Variants in FLYWCH1 observed in about 807,000 individuals in gnomAD.
FLYWCH1 encodes FLYWCH-type zinc finger 1, also known as FLYWCH-type zinc finger-containing protein 1.
Under a neutral mutation model 66.4 loss-of-function variants are expected in FLYWCH1, and 75 were observed. That is an observed-to-expected ratio of 1.13 (90% CI 0.94 to 1.37). The LOEUF (loss-of-function observed/expected upper bound fraction) is 1.37, where lower values mean the gene tolerates loss of function less well. FLYWCH1 is among the 40% of genes most tolerant of loss of function. FLYWCH1 has a pLI of 0.00. For synonymous variants in FLYWCH1, 595 were observed against 429.9 expected (o/e 1.38, Z -4.75); for missense variants, 1,334 against 1,001.8 (o/e 1.33, Z -4.48).
intron 1 of FLYWCH1, among the ~76,000 whole-genome samples, chr16:2,913,868 T>A (rs954291800): frequency 1.3e-4 from 4 of 30,072 alleles, no homozygotes; most frequent in South Asian, 8.3e-4. Flanking sequence ...TAAAAAAAAA[T>A]TTTTTTAGTA....
In FLYWCH1 at chr16:2,938,305, C is replaced by A; in HGVS notation, c.1899C>A (p.Asp633Glu). The change falls in exon 8 of 10, where the codon GAC becomes GAA. Residue 633 changes from aspartate to glutamate, a missense_variant. Coordinates refer to ENST00000253928, the MANE Select transcript of FLYWCH1 (RefSeq NM_001308068.2). The part of the protein sequence containing the change: ...AGEKVYWMCR[D>E]QARLGCRSRA... The stretch of plus-strand genomic sequence containing the variant: ...AGAAGGTGTACTGGATGTGCCGGGA[C>A]CAGGCTCGGCTGGGCTGCCGCAGCC... 6.2e-7 allele frequency: 1 copy of A among 1,610,568 alleles called. No individual in the cohort carries two copies. Among genetic ancestry groups the A allele is most frequent in the Non-Finnish European group, 8.5e-7 (1 of 1,178,506 alleles).
chr16:2,922,414 C>G (rs926055938), intron 2 of FLYWCH1: 2 of 189,596 alleles, frequency 1.1e-5, no homozygotes, highest in Non-Finnish European at 2.2e-5. Flanking sequence ...CACCACCGTC[C>G]ATCTCCAGAA....
intron 4 of FLYWCH1, among the ~76,000 whole-genome samples, chr16:2,931,388 C>G (rs1021793005): frequency 6.6e-6 from 1 of 150,550 alleles, no homozygotes; most frequent in African/African-American, 2.4e-5. Context: ...CTTTGGGAGG[C>G]TGGGGCAGGA....
At chr16:2,930,955 A>G (rs1320456191) in intron 4 of FLYWCH1, 75 bp downstream of exon 4, 15 of 1,136,814 alleles carry the variant, frequency 1.3e-5, no homozygotes, top group Non-Finnish European at 1.8e-5. Flanking sequence ...CCCAAATAGA[A>G]ATGTGGGGTC....
At chr16:2,931,451 C>G (rs1394185779) in intron 4 of FLYWCH1, among the ~76,000 whole-genome samples, 3 of 151,686 alleles carry the variant, frequency 2.0e-5, no homozygotes, top group South Asian at 2.1e-4. Flanking sequence ...TAGTGAGACC[C>G]CATATCTACA....
rs577995395 is a variant in FLYWCH1 at position 2,932,041 on chromosome 16, C to G, written c.797-1089C>G. Among the ~76,000 whole-genome samples the G allele has an allele frequency of 3.4e-5, 5 of 148,318 alleles. No individual in the cohort carries two copies. The South Asian group carries it at 6.4e-4, about 19-fold the overall frequency. On this transcript the variant is annotated intron_variant, in intron 4 of 9. Coordinates refer to ENST00000253928, the MANE Select transcript of FLYWCH1 (RefSeq NM_001308068.2). ...GCTGAGGCAGGAGAATGGCGTGAAC[C>G]CGGGAGGCGGAGCTTGCCGTGGGCC...
Position 2,948,579 on chromosome 16 carries a change from G to T in FLYWCH1, c.2112-109G>T. ...TTCCGTCTCAAAAATAAATGTTCTA[G>T]ACTGTGGCATCCCCAGGAAAAAGGA... is the stretch of plus-strand genomic sequence containing the variant. On this transcript the variant is annotated intron_variant, in intron 9 of 9. Coordinates refer to ENST00000253928, the MANE Select transcript of FLYWCH1 (RefSeq NM_001308068.2). The T allele has an allele frequency of 3.5e-6, 4 of 1,146,246 alleles. No homozygotes were observed. The South Asian group carries it at 5.2e-5, about 15-fold the overall frequency. The allele number at this position is 1,146,246 out of a possible 1,614,324, so 71.0% of individuals were successfully genotyped here. A position where few individuals can be genotyped will look rare whatever the true frequency, so the allele number is the denominator to read the frequency against.
intron 6 of FLYWCH1, 107 bp from the exon 7 acceptor site, chr16:2,937,014 C>T (rs1007917852): frequency 1.5e-5 from 18 of 1,205,588 alleles, no homozygotes; most frequent in African/African-American, 2.2e-5. Flanking sequence ...GGCCACCTCA[C>T]TGTGAGGAGG....
chr16:2,939,970 G>A lies in FLYWCH1; in HGVS notation c.2051-62G>A. The A allele has an allele frequency of 3.9e-6, 6 of 1,541,652 alleles. No individual in the cohort carries two copies. In the South Asian group the frequency reaches 6.0e-5, roughly 15 times the overall value. On this transcript the variant is annotated intron_variant, in intron 8 of 9. Coordinates refer to ENST00000253928, the MANE Select transcript of FLYWCH1 (RefSeq NM_001308068.2). ...CGTCGTTAACAAGGTGTGTGTCCTT[G>A]GTTCTGTCAGCTTCAACAAGAGAAG... is the stretch of plus-strand genomic sequence containing the variant.
At chr16:2,919,420 C>T (rs2070289758) in intron 2 of FLYWCH1, among the ~76,000 whole-genome samples, 1 of 152,026 alleles carries the variant, frequency 6.6e-6, no homozygotes, top group Admixed American at 6.6e-5. Flanking sequence ...CATGCGCCAC[C>T]ACACCCAGCT....
At chr16:2,934,937 T>TCC (rs1555486389) in intron 6 of FLYWCH1, 14 of 170,446 alleles carry the variant, frequency 8.2e-5, no homozygotes, top group Admixed American at 4.6e-4. Flanking sequence ...TTTTTTTTTT[T>TCC]CTTTGAGACG....
At chr16:2,948,412 A>C (rs2071572129) in intron 9 of FLYWCH1, among the ~76,000 whole-genome samples, 2 of 151,836 alleles carry the variant, frequency 1.3e-5, no homozygotes, top group Admixed American at 1.3e-4. Context: ...ACAAAAAAAA[A>C]ATTAGCTGAG....
Position 2,933,707 on chromosome 16 carries a change from C to T in FLYWCH1, c.1250-9C>T, listed in dbSNP as rs1457429432. On this transcript the variant is annotated splice_polypyrimidine_tract_variant and intron_variant, in intron 5 of 9. Coordinates refer to ENST00000253928, the MANE Select transcript of FLYWCH1 (RefSeq NM_001308068.2). ...TCCCCTCCCCTGACTGCCTCTTGAA[C>T]CTCCCCAGGAGGCCCTGAGTTCCTG... 1.2e-6 allele frequency: 2 copies of T among 1,608,684 alleles called. No homozygotes were observed. The highest frequency in any genetic ancestry group is 1.1e-5 in the South Asian group (1 of 90,408).
chr16:2,939,541 T>TGGTGAAACCTTGG, intron 8 of FLYWCH1, among the ~76,000 whole-genome samples: 1 of 141,198 alleles, frequency 7.1e-6, no homozygotes, highest in Non-Finnish European at 1.6e-5. Flanking sequence ...TGAAACCCTG[T>TGGTGAAACCTTGG]CTCTAAAAAA....
At chr16:2,922,770 A>G (rs1448703307) in intron 2 of FLYWCH1, 2 of 518,642 alleles carry the variant, frequency 3.9e-6, no homozygotes, top group Non-Finnish European at 7.7e-6. Flanking sequence ...CTGGGCCACA[A>G]CCACCTCACA....
chr16:2,922,873 C>T (rs2070423863), intron 2 of FLYWCH1: 3 of 524,194 alleles, frequency 5.7e-6, no homozygotes, highest in South Asian at 4.1e-5. Context: ...TCATGGCAGA[C>T]TCAGTGGTCG....
At chr16:2,913,894 A>AG (rs1327546749) in intron 1 of FLYWCH1, among the ~76,000 whole-genome samples, 2 of 151,992 alleles carry the variant, frequency 1.3e-5, no homozygotes, top group East Asian at 1.9e-4. Context: ...GGTGGGGGCG[A>AG]GGGGCAGGTC....
intron 2 of FLYWCH1, chr16:2,923,086 TG>T (rs2070434111): frequency 9.6e-6 from 4 of 418,558 alleles, no homozygotes; most frequent in Non-Finnish European, 1.4e-5. Flanking sequence ...TTTTATAGTT[TG>T]TTTTGTGTGT....
rs1219629915 is a variant in FLYWCH1 at position 2,949,456 on chromosome 16, C to G, written c.*729C>G. 3.9e-5 allele frequency: 6 copies of G among 152,326 alleles called. No homozygotes were observed. The East Asian group carries it at 7.7e-4, about 20-fold the overall frequency. The allele number at this position is 152,326 out of a possible 1,614,324, so 9.4% of individuals were successfully genotyped here. ...GGAGCCAGCGCTGGGCACACGTGCCCTGGCTGAGGCCAGCGGCATCCTGGG... is the reference window on the plus strand; with the variant it reads ...GGAGCCAGCGCTGGGCACACGTGCCGTGGCTGAGGCCAGCGGCATCCTGGG... On this transcript the variant is annotated 3_prime_UTR_variant, in exon 10 of 10. Transcript: ENST00000253928.
Sources: allele counts gnomAD v4.1 joint callset (sites outside exome capture counted in the v4.1 genomes callset), GRCh38; gene constraint gnomAD v4.1.1; transcripts MANE v1.5; gene names NCBI Gene and HGNC (gene_info 2026-07-23, HGNC 2026-07-21).